The following GPLD1 variants were observed in gnomAD, a reference collection of about 807,000 sequenced individuals.
GPLD1 encodes the protein phosphatidylinositol-glycan-specific phospholipase D.
Under a neutral mutation model 112.6 loss-of-function variants are expected in GPLD1, and 84 were observed. That is an observed-to-expected ratio of 0.75 (90% confidence interval 0.63 to 0.89). GPLD1 has a LOEUF of 0.89. GPLD1 is among the 40% of genes least tolerant of loss of function. The pLI is 0.00. For synonymous variants in GPLD1, 386 were observed against 403.8 expected (o/e 0.96, Z 0.53); for missense variants, 1,044 against 1,051.5 (o/e 0.99, Z 0.10).
At position 24,431,534 on chromosome 6, in the gene GPLD1, A is replaced by AG. The variant is rs1435168428; in HGVS notation, c.2436+1652_2436+1653insC. Among the ~76,000 whole-genome samples the AG allele has an allele frequency of 2.4e-3, 349 of 145,946 alleles. 1 individual carries two copies. Among genetic ancestry groups the AG allele is most frequent in the African/African-American group, 8.4e-3 (328 of 39,038 alleles). ...GTTTACAGGTATATTTTAAGGTTAA[A>AG]CTTTTTTTTTTTTTTTTTGAGACAG... On this transcript the variant is annotated intron_variant, in intron 24 of 24. Transcript: ENST00000230036.
chr6:24,474,141 A>G (rs1387868976), intron 5 of GPLD1, among the ~76,000 whole-genome samples: 3 of 141,642 alleles, frequency 2.1e-5, no homozygotes, highest in East Asian at 2.0e-4. Flanking sequence ...ACAAACAAAC[A>G]AAAAAACAAC....
chr6:24,427,922 A>G lies in GPLD1; in HGVS notation c.*1110T>C, dbSNP rs1422227075. On this transcript the variant is annotated 3_prime_UTR_variant, in exon 25 of 25. Transcript: ENST00000230036. ...ACCAGGAACAGAAAACCAAATACCAAGTATAGCATGTTCTCACAAGTGGGT... is the reference window on the plus strand; with the variant it reads ...ACCAGGAACAGAAAACCAAATACCAGGTATAGCATGTTCTCACAAGTGGGT... Among the ~76,000 whole-genome samples, 1 of 151,922 alleles carries G rather than the reference A, an allele frequency of 6.6e-6. No homozygotes were observed. The highest frequency in any genetic ancestry group is 2.4e-5 in the African/African-American group (1 of 41,388).
At chr6:24,437,007 A>C in intron 21 of GPLD1, 106 bp downstream of exon 21, 3 of 1,019,412 alleles carry the variant, frequency 2.9e-6, no homozygotes, top group Non-Finnish European at 4.5e-6. Context: ...TCCTTGGGCC[A>C]CTGGGCTGTC....
chr6:24,478,430 A>AAT (rs905747533), intron 3 of GPLD1, among the ~76,000 whole-genome samples: 7 of 152,302 alleles, frequency 4.6e-5, no homozygotes, highest in African/African-American at 1.7e-4. Context: ...GAATTAAAGG[A>AAT]ATGGGATAAT....
At chr6:24,477,237 G>T (rs541084166) in intron 3 of GPLD1, among the ~76,000 whole-genome samples, 5 of 147,250 alleles carry the variant, frequency 3.4e-5, no homozygotes, top group Non-Finnish European at 6.0e-5. Context: ...CAACAGACTG[G>T]AAGCAGAAAG....
chr6:24,454,139 C>A lies in GPLD1; in HGVS notation c.1211G>T (p.Gly404Val), dbSNP rs1190299333. The change falls in exon 14 of 25, where the codon GGC becomes GTC. Residue 404 changes from glycine to valine, a missense_variant. Physicochemically the swap from Gly to Val is moderately radical, Grantham distance 109. Coordinates refer to ENST00000230036, the MANE Select transcript of GPLD1 (RefSeq NM_001503.4). ...GHGDLVVGAP[G>V]YSRPGHIHIG... ...GTGGATGTGGCCGGGGCGGCTGTAG[C>A]CTGGTGCGCCCACCACGAGGTCACC... 6.2e-7 allele frequency: 1 copy of A among 1,613,998 alleles called. No homozygotes were observed. Among genetic ancestry groups the A allele is most frequent in the South Asian group, 1.1e-5 (1 of 91,060 alleles).
At chr6:24,451,211 T>C (rs1226415356) in intron 14 of GPLD1, among the ~76,000 whole-genome samples, 2 of 152,204 alleles carry the variant, frequency 1.3e-5, no homozygotes, top group Non-Finnish European at 2.9e-5. Context: ...AGTGTACAGA[T>C]GGAAAACTCA....
chr6:24,469,627 G>A (rs1178143956), intron 7 of GPLD1, among the ~76,000 whole-genome samples: 1 of 114,550 alleles, frequency 8.7e-6, no homozygotes, highest in Admixed American at 9.5e-5. Context: ...GGGGACTGTG[G>A]TGGGGTGGGG....
rs534249349 is a variant in GPLD1 at position 24,475,189 on chromosome 6, G to A, written c.373C>T (p.His125Tyr). The change falls in exon 5 of 25, where the codon CAC becomes TAC. Residue 125 changes from histidine to tyrosine, a missense_variant. Physicochemically the swap from His to Tyr is moderately conservative, Grantham distance 83. Transcript: ENST00000230036. Reference protein sequence around the residue: ...LVAFLFGITSHMAADVSWHSL... With the variant: ...LVAFLFGITSYMAADVSWHSL... ...TGCCAGCTGACATCTGCCGCCATGT[G>A]AGAAGTAATTCCAAACAAGAAAGCT... 12 of 1,612,558 alleles carry A rather than the reference G, an allele frequency of 7.4e-6. No homozygotes were observed. The South Asian group carries it at 8.8e-5, about 12-fold the overall frequency.
intron 3 of GPLD1, among the ~76,000 whole-genome samples, chr6:24,477,236 G>A (rs1048890121): frequency 6.8e-6 from 1 of 147,560 alleles, no homozygotes; most frequent in African/African-American, 2.5e-5. Flanking sequence ...CCAACAGACT[G>A]GAAGCAGAAA....
rs1157588127 is a variant in GPLD1 at position 24,426,357 on chromosome 6, AT to A, written c.*2674del. ...TAATATATTAGACTGTCATGCATTA[AT>A]TTTTTCCTGTATGCCAGGTTTTTTA... On this transcript the variant is annotated 3_prime_UTR_variant, in exon 25 of 25. Transcript: ENST00000230036. Among the ~76,000 whole-genome samples, 1 of 151,664 alleles carries A rather than the reference AT, an allele frequency of 6.6e-6. No individual in the cohort carries two copies. The highest frequency in any genetic ancestry group is 2.4e-5 in the African/African-American group (1 of 41,400).
chr6:24,469,777 A>T (rs1201249934), intron 7 of GPLD1, among the ~76,000 whole-genome samples: 2 of 130,442 alleles, frequency 1.5e-5, no homozygotes, highest in African/African-American at 2.5e-5. Flanking sequence ...TTAAAGTATA[A>T]TAAAAAAAAA....
At chr6:24,438,933 C>T (rs1423118942) in intron 20 of GPLD1, among the ~76,000 whole-genome samples, 8 of 152,108 alleles carry the variant, frequency 5.3e-5, no homozygotes, top group African/African-American at 1.4e-4. Flanking sequence ...ACTACAGGCA[C>T]GCGCCACCAC....
At chr6:24,457,918 T>C (rs2793432) in intron 12 of GPLD1, among the ~76,000 whole-genome samples, 63,139 of 150,722 alleles carry the variant, frequency 0.42, 13,465 homozygotes, top group Middle Eastern at 0.48. Flanking sequence ...AGCTGAGATG[T>C]GGTTGTATTT....
intron 6 of GPLD1, chr6:24,473,125 T>C (rs933499711): frequency 2.0e-5 from 3 of 150,328 alleles, no homozygotes; most frequent in African/African-American, 7.5e-5. Context: ...TTTAAAAATC[T>C]TAGTTAGTGA....
exon 1 of GPLD1, chr6:24,495,076 G>C (rs749120771): frequency 6.8e-6 from 9 of 1,321,988 alleles, no homozygotes; most frequent in Non-Finnish European, 2.9e-6. Flanking sequence ...CTCCGCCCCC[G>C]CGCCGGCGGC....
chr6:24,439,834 G>T lies in GPLD1; in HGVS notation c.2021-2545C>A, dbSNP rs79911908. On this transcript the variant is annotated intron_variant, in intron 20 of 24. Transcript: ENST00000230036. ...TATAACACAGAATTCCTTCTGTAAT[G>T]CTTATACCTTCTAGTTAACATAGAA... Among the ~76,000 whole-genome samples the T allele has an allele frequency of 3.9e-5, 6 of 152,274 alleles. No individual in the cohort carries two copies. In the East Asian group the frequency reaches 1.2e-3, roughly 29 times the overall value.
At chr6:24,455,053 C>A (rs184946923) in intron 13 of GPLD1, among the ~76,000 whole-genome samples, 2 of 152,204 alleles carry the variant, frequency 1.3e-5, no homozygotes, top group Non-Finnish European at 2.9e-5. Context: ...CACTTGAACC[C>A]GGGAGGCAGA....
intron 2 of GPLD1, among the ~76,000 whole-genome samples, chr6:24,481,595 A>C (rs545564480): frequency 5.6e-4 from 86 of 152,238 alleles, no homozygotes; most frequent in Admixed American, 2.4e-3. Flanking sequence ...CTCACCACAG[A>C]GTTTGGCTCA....
Sources: gnomAD v4.1 joint callset for allele counts (sites outside exome capture counted in the v4.1 genomes callset) on GRCh38, gnomAD v4.1.1 for gene constraint, MANE v1.5 for transcripts, NCBI Gene and HGNC (gene_info 2026-07-23, HGNC 2026-07-21) for gene names.